MAF: variants seen among roughly 807,000 people sequenced by gnomAD.
MAF encodes MAF bZIP transcription factor.
MAF carries 10 observed loss-of-function variants against 22.0 expected under a neutral mutation model. The ratio of observed to expected loss-of-function variants is 0.45; its 90% confidence interval spans 0.28 to 0.77. MAF has a LOEUF of 0.77. Ranked by LOEUF, MAF falls within the 30% of genes least tolerant of loss-of-function variation. The pLI is 0.12. For missense variants in MAF, 544 were observed against 548.4 expected (o/e 0.99, Z 0.08); for synonymous variants, 337 against 255.8 (o/e 1.32, Z -3.03).
the MAF span, among the ~76,000 whole-genome samples, chr16:79,517,013 A>T: frequency 2.0e-5 from 3 of 151,362 alleles, 1 homozygote; most frequent in Non-Finnish European, 4.4e-5. Flanking sequence ...TGTGAATGGA[A>T]CCCCAAGTTT....
the MAF span, among the ~76,000 whole-genome samples, chr16:79,319,786 A>G: frequency 6.6e-6 from 1 of 152,312 alleles, no homozygotes; most frequent in Non-Finnish European, 1.5e-5. Flanking sequence ...CCTGGAGTTT[A>G]TATTCCAGTT....
the MAF span, among the ~76,000 whole-genome samples, chr16:79,516,562 T>A: frequency 4.6e-5 from 7 of 152,216 alleles, no homozygotes; most frequent in African/African-American, 1.7e-4. Flanking sequence ...TAATACATGA[T>A]GATTTTAGTT....
At chr16:79,383,318 A>T in the MAF span, among the ~76,000 whole-genome samples, 1 of 152,186 alleles carries the variant, frequency 6.6e-6, no homozygotes, top group Admixed American at 6.5e-5. Context: ...GATAAATAGT[A>T]TGCTGGCATC....
the MAF span, among the ~76,000 whole-genome samples, chr16:79,382,016 G>T: frequency 6.6e-6 from 1 of 152,120 alleles, no homozygotes; most frequent in Admixed American, 6.6e-5. Flanking sequence ...ATCCTCCGCT[G>T]CTTCTCTTTC....
the MAF span, among the ~76,000 whole-genome samples, chr16:79,379,501 GCACACA>G: frequency 0.12 from 18,013 of 149,692 alleles, 1,097 homozygotes; most frequent in African/African-American, 0.15. Context: ...TGGTGGAAGT[GCACACA>G]CACACACACA....
the MAF span, among the ~76,000 whole-genome samples, chr16:79,571,325 C>T: frequency 6.6e-6 from 1 of 151,964 alleles, no homozygotes; most frequent in African/African-American, 2.4e-5. Context: ...ATCCCAGATA[C>T]ACTTTCATTT....
At chr16:79,454,265 G>T in the MAF span, among the ~76,000 whole-genome samples, 1 of 152,270 alleles carries the variant, frequency 6.6e-6, no homozygotes, top group East Asian at 1.9e-4. Flanking sequence ...CAGGGCCATT[G>T]TTCCCTAAGA....
the MAF span, among the ~76,000 whole-genome samples, chr16:79,232,186 G>A: frequency 6.6e-6 from 1 of 152,034 alleles, no homozygotes; most frequent in Non-Finnish European, 1.5e-5. Context: ...CCAATCTGTG[G>A]CCCAGGGGTT....
At chr16:79,331,423 A>C in the MAF span, among the ~76,000 whole-genome samples, 1 of 151,954 alleles carries the variant, frequency 6.6e-6, no homozygotes. Context: ...AATCTCCTTC[A>C]CCCTTCATGG....
At chr16:79,579,378 A>G in the MAF span, among the ~76,000 whole-genome samples, 10 of 152,314 alleles carry the variant, frequency 6.6e-5, no homozygotes, top group East Asian at 3.9e-4. Flanking sequence ...AAACACATAT[A>G]TATTTATATA....
the MAF span, among the ~76,000 whole-genome samples, chr16:79,543,213 C>T: frequency 2.6e-5 from 4 of 152,162 alleles, no homozygotes; most frequent in South Asian, 2.1e-4. Flanking sequence ...CAAAGGTAGG[C>T]GCGATCCATG....
chr16:79,252,831 T>G, the MAF span, among the ~76,000 whole-genome samples: 4 of 152,138 alleles, frequency 2.6e-5, no homozygotes, highest in Admixed American at 6.5e-5. Flanking sequence ...ATCTGCACAT[T>G]TGAGGGAAAG....
At chr16:79,322,305 A>G in the MAF span, among the ~76,000 whole-genome samples, 1 of 152,176 alleles carries the variant, frequency 6.6e-6, no homozygotes, top group Non-Finnish European at 1.5e-5. Flanking sequence ...TAAGAAGAGT[A>G]TCGGCACTCA....
chr16:79,310,442 G>A, the MAF span, among the ~76,000 whole-genome samples: 2 of 152,142 alleles, frequency 1.3e-5, no homozygotes, highest in East Asian at 1.9e-4. Flanking sequence ...TTGTAAATAC[G>A]CTCAAGAACC....
chr16:79,306,099 C>T, the MAF span, among the ~76,000 whole-genome samples: 6 of 152,176 alleles, frequency 3.9e-5, no homozygotes, highest in Admixed American at 2.0e-4. Context: ...GAAAAGGTAA[C>T]GTTGGCCTTT....
chr16:79,556,594 C>T, the MAF span, among the ~76,000 whole-genome samples: 17 of 152,148 alleles, frequency 1.1e-4, no homozygotes, highest in Middle Eastern at 3.2e-3. Context: ...ATATATAACA[C>T]AAATTATGGG....
the MAF span, among the ~76,000 whole-genome samples, chr16:79,494,733 G>A: frequency 1.4e-4 from 21 of 152,132 alleles, no homozygotes; most frequent in South Asian, 2.7e-3. Context: ...CCCGGTAACC[G>A]CCTGGAGTTA....
chr16:79,598,049 T>C (rs1321440786), intron 1 of MAF: 1 of 785,412 alleles, frequency 1.3e-6, no homozygotes, highest in Non-Finnish European at 1.6e-6. Flanking sequence ...ATAACAATGC[T>C]AAAAAAAAAA....
chr16:79,331,740 T>G, the MAF span, among the ~76,000 whole-genome samples: 1 of 152,166 alleles, frequency 6.6e-6, no homozygotes, highest in African/African-American at 2.4e-5. Context: ...GTGTCTTCCC[T>G]GGCCTCCTTT....
Sources: allele counts gnomAD v4.1 joint callset (sites outside exome capture counted in the v4.1 genomes callset), GRCh38; gene constraint gnomAD v4.1.1; transcripts MANE v1.5; gene names NCBI Gene and HGNC (gene_info 2026-07-23, HGNC 2026-07-21).